Variants in SPIDR observed in about 807,000 individuals in gnomAD.
The protein encoded by SPIDR is scaffold protein involved in DNA repair.
A neutral mutation model predicts 104.6 loss-of-function variants in SPIDR; 93 were observed. The observed-to-expected ratio is 0.89, with a 90% confidence interval of 0.75 to 1.06. The LOEUF is 1.06. SPIDR is among the 50% of genes least tolerant of loss of function. SPIDR has a pLI of 0.00. For missense variants in SPIDR, 1,154 were observed against 1,111.2 expected, an observed-to-expected ratio of 1.04 and a Z score of -0.55; for synonymous variants, 431 against 416.9, an observed-to-expected ratio of 1.03 and a Z score of -0.41.
At chr8:47,476,731 A>G (rs2154359995) in intron 8 of SPIDR, among the ~76,000 whole-genome samples, 1 of 152,296 alleles carries the variant, frequency 6.6e-6, no homozygotes, top group Non-Finnish European at 1.5e-5. Flanking sequence ...ATTGATTTTA[A>G]TTGGCTTAGA....
At chr8:47,263,817 C>A (rs936438768) in intron 1 of SPIDR, among the ~76,000 whole-genome samples, 1 of 152,206 alleles carries the variant, frequency 6.6e-6, no homozygotes, top group African/African-American at 2.4e-5. Context: ...TGTAAATGAA[C>A]TTTCTTCTGT....
chr8:47,283,356 GCT>G (rs1162183423), intron 2 of SPIDR, among the ~76,000 whole-genome samples: 2 of 152,164 alleles, frequency 1.3e-5, no homozygotes, highest in Admixed American at 1.3e-4. Flanking sequence ...TATTAATTTT[GCT>G]CTCTTATATT....
chr8:47,499,783 C>G (rs2154370508), intron 8 of SPIDR, among the ~76,000 whole-genome samples: 1 of 152,014 alleles, frequency 6.6e-6, no homozygotes, highest in African/African-American at 2.4e-5. Flanking sequence ...TGCTATCCCT[C>G]CACCCTGCCC....
chr8:47,268,959 G>A (rs2034668558), intron 1 of SPIDR, among the ~76,000 whole-genome samples: 1 of 152,060 alleles, frequency 6.6e-6, no homozygotes, highest in South Asian at 2.1e-4. Flanking sequence ...TTCAGCCTAG[G>A]AGTTCGAGAC....
intron 8 of SPIDR, among the ~76,000 whole-genome samples, chr8:47,527,174 C>A (rs2085135153): frequency 6.6e-6 from 1 of 152,124 alleles, no homozygotes; most frequent in African/African-American, 2.4e-5. Flanking sequence ...GGAAAGGTAG[C>A]CATTTAACAG....
intron 10 of SPIDR, among the ~76,000 whole-genome samples, chr8:47,604,394 T>G (rs1254739870): frequency 1.3e-5 from 2 of 152,182 alleles, no homozygotes; most frequent in African/African-American, 4.8e-5. Context: ...AGCTGCAGTG[T>G]TTGCTGTGGC....
intron 5 of SPIDR, chr8:47,360,792 T>C: frequency 1.0e-6 from 1 of 983,800 alleles, no homozygotes; most frequent in Non-Finnish European, 1.2e-6. Flanking sequence ...GGGCAAAAAT[T>C]TGTCTACTGG....
intron 5 of SPIDR, among the ~76,000 whole-genome samples, chr8:47,300,579 G>A (rs4410908): frequency 0.016 from 2,370 of 152,180 alleles, 20 homozygotes; most frequent in Non-Finnish European, 0.024. Flanking sequence ...TCTCTTGTGG[G>A]CATTTAGTGC....
Position 47,473,153 on chromosome 8 carries a change from C to G in SPIDR, c.1097+32611C>G, listed in dbSNP as rs140299447. On this transcript the variant is annotated intron_variant, in intron 8 of 19. Coordinates refer to ENST00000297423, the MANE Select transcript of SPIDR (RefSeq NM_001080394.4). ...CCGTCAGGTTAATTATATACATGAA[C>G]AAAATATTTTATAATTTAATACAGA... Among the ~76,000 whole-genome samples the G allele has an allele frequency of 1.5e-3, 228 of 152,244 alleles. 5 individuals are homozygous for G. The East Asian group carries it at 0.032, about 21-fold the overall frequency.
intron 8 of SPIDR, among the ~76,000 whole-genome samples, chr8:47,504,088 T>G (rs1417375867): frequency 6.6e-6 from 1 of 152,202 alleles, no homozygotes; most frequent in African/African-American, 2.4e-5. Flanking sequence ...CATTTCAACC[T>G]TGGTGAATCT....
At chr8:47,639,357 C>T (rs911020209) in intron 10 of SPIDR, among the ~76,000 whole-genome samples, 2 of 152,222 alleles carry the variant, frequency 1.3e-5, no homozygotes, top group African/African-American at 4.8e-5. Flanking sequence ...ATTAAGTCTG[C>T]TCTCTAGGGA....
chr8:47,386,902 G>GAGAGATATAGATAT (rs1187194454), intron 5 of SPIDR, among the ~76,000 whole-genome samples: 67 of 99,400 alleles, frequency 6.7e-4, no homozygotes, highest in Admixed American at 1.3e-3. Context: ...AAGAGAGAGA[G>GAGAGATATAGATAT]AGATATAGAT....
chr8:47,693,859 C>G (rs1419472963), intron 11 of SPIDR, among the ~76,000 whole-genome samples: 1 of 152,204 alleles, frequency 6.6e-6, no homozygotes, highest in Admixed American at 6.5e-5. Context: ...CTTTGCTGTT[C>G]TCTTTGGCAC....
intron 5 of SPIDR, chr8:47,294,300 A>G (rs940208581): frequency 6.0e-6 from 2 of 334,744 alleles, no homozygotes; most frequent in African/African-American, 4.3e-5. Context: ...CTTCCAGTGC[A>G]GATATATCAA....
intron 8 of SPIDR, among the ~76,000 whole-genome samples, chr8:47,518,596 G>A (rs2083504028): frequency 6.6e-6 from 1 of 151,968 alleles, no homozygotes; most frequent in African/African-American, 2.4e-5. Flanking sequence ...GCTAGAACTG[G>A]GGTGATAGGG....
chr8:47,554,599 A>G (rs562955008), intron 8 of SPIDR, among the ~76,000 whole-genome samples: 60 of 152,302 alleles, frequency 3.9e-4, no homozygotes, highest in Non-Finnish European at 6.3e-4. Context: ...GACCATTTGG[A>G]AAAGTGCAGT....
chr8:47,417,939 T>C (rs1296224116), intron 7 of SPIDR, among the ~76,000 whole-genome samples: 1 of 152,218 alleles, frequency 6.6e-6, no homozygotes, highest in Non-Finnish European at 1.5e-5. Context: ...GTTGTAGATA[T>C]GTGGCATTAT....
At chr8:47,336,643 A>G (rs1554609558) in intron 5 of SPIDR, among the ~76,000 whole-genome samples, 2 of 152,202 alleles carry the variant, frequency 1.3e-5, no homozygotes, top group African/African-American at 4.8e-5. Context: ...TTCCTGAGGA[A>G]GAAACTCAGA....
At chr8:47,314,782 T>G (rs2044957448) in intron 5 of SPIDR, among the ~76,000 whole-genome samples, 1 of 152,140 alleles carries the variant, frequency 6.6e-6, no homozygotes, top group African/African-American at 2.4e-5. Context: ...CTTACAAACC[T>G]AGGTCAGGTC....
Sources: allele counts gnomAD v4.1 joint callset (sites outside exome capture counted in the v4.1 genomes callset), GRCh38; gene constraint gnomAD v4.1.1; transcripts MANE v1.5; gene names NCBI Gene and HGNC (gene_info 2026-07-23, HGNC 2026-07-21).